Variants in ASRGL1 observed in about 807,000 individuals in gnomAD.
The protein encoded by ASRGL1 is isoaspartyl peptidase/L-asparaginase.
In ASRGL1, 16 loss-of-function variants were observed where a neutral mutation model predicts 22.4. The ratio of observed to expected loss-of-function variants is 0.71; its 90% CI spans 0.48 to 1.08. ASRGL1 has a LOEUF of 1.08. Among genes scored for constraint, ASRGL1 ranks in the 50% least tolerant of loss-of-function variants. The probability of loss-of-function intolerance (pLI) is 0.00; values close to 1 mark genes in which losing one functional copy is unlikely to be tolerated. For synonymous variants in ASRGL1, 165 were observed against 159.3 expected, an observed-to-expected ratio of 1.04 and a Z score of -0.27; for missense variants, 412 against 410.1, an observed-to-expected ratio of 1.00 and a Z score of -0.04.
chr11:62,374,065 G>T (rs193186965), intron 4 of ASRGL1, among the ~76,000 whole-genome samples: 153 of 152,288 alleles, frequency 1.0e-3, no homozygotes, highest in Admixed American at 2.2e-3. Flanking sequence ...TTCTGTACCA[G>T]CCTCGATCGC....
At chr11:62,380,691 A>C (rs1023366557) in intron 4 of ASRGL1, among the ~76,000 whole-genome samples, 3 of 152,188 alleles carry the variant, frequency 2.0e-5, no homozygotes, top group African/African-American at 7.2e-5. Context: ...GTCCATGAGC[A>C]GTGGAACCTA....
intron 4 of ASRGL1, among the ~76,000 whole-genome samples, chr11:62,367,206 T>G (rs1462673611): frequency 6.6e-6 from 1 of 151,634 alleles, no homozygotes; most frequent in Non-Finnish European, 1.5e-5. Flanking sequence ...GGCATGGTGG[T>G]AGGTACCTGT....
intron 2 of ASRGL1, among the ~76,000 whole-genome samples, chr11:62,353,015 T>C (rs1946202469): frequency 6.6e-6 from 1 of 152,202 alleles, no homozygotes; most frequent in Admixed American, 6.5e-5. Flanking sequence ...TGAATACTTC[T>C]CATTCCCACC....
chr11:62,351,828 C>G (rs1946174013), intron 2 of ASRGL1, among the ~76,000 whole-genome samples: 1 of 152,064 alleles, frequency 6.6e-6, no homozygotes, highest in Admixed American at 6.6e-5. Context: ...TGAGCACCAC[C>G]ACACCCAGCT....
At chr11:62,397,481 A>G (rs944295864), downstream of ASRGL1, among the ~76,000 whole-genome samples, 1 of 152,072 alleles carries the variant, frequency 6.6e-6, no homozygotes, top group African/African-American at 2.4e-5. Context: ...TCTGACCAAC[A>G]TGGAGAAACC....
rs182866848 is a variant in ASRGL1 at position 62,388,415 on chromosome 11, C to A, written c.492-718C>A. Among the ~76,000 whole-genome samples the A allele has an allele frequency of 3.0e-3, 453 of 152,244 alleles. 1 individual carries two copies. Among genetic ancestry groups the A allele is most frequent in the African/African-American group, 0.01 (429 of 41,542 alleles). The stretch of plus-strand genomic sequence containing the variant: ...GGCACAGTGGCTCACGCCTGTAACC[C>A]CAGCACTTTGGGAGTCCAAGGCAGG... On this transcript the variant is annotated intron_variant, in intron 4 of 6. Transcript: ENST00000415229.
At chr11:62,386,604 A>G (rs1947217692) in intron 4 of ASRGL1, among the ~76,000 whole-genome samples, 1 of 151,360 alleles carries the variant, frequency 6.6e-6, no homozygotes, top group African/African-American at 2.4e-5. Flanking sequence ...ATAAGGGGGG[A>G]CTACTGTTTT....
Position 62,356,373 on chromosome 11 carries a change from G to A in ASRGL1, c.239G>A (p.Ser80Asn), listed in dbSNP as rs779850075. 1 of 1,614,196 alleles carries A rather than the reference G, an allele frequency of 6.2e-7. No individual in the cohort carries two copies. Among genetic ancestry groups the A allele is most frequent in the Non-Finnish European group, 8.5e-7 (1 of 1,179,976 alleles). ...AATGGTGAGGTTGAAATGGATGCTA[G>A]TATCATGGATGGAAAAGACCTGTCT... is the stretch of plus-strand genomic sequence containing the variant. ...NTNGEVEMDA[S>N]IMDGKDLSAG... The change falls in exon 3 of 7, where the codon AGT becomes AAT. Residue 80 changes from serine to asparagine, a missense_variant. Ser to Asn is a conservative substitution (Grantham distance 46). Transcript: ENST00000415229.
chr11:62,361,680 G>A (rs1456440649), intron 4 of ASRGL1, among the ~76,000 whole-genome samples: 1 of 151,892 alleles, frequency 6.6e-6, no homozygotes, highest in Non-Finnish European at 1.5e-5. Context: ...TAGAGAGGGG[G>A]TTTCACCATG....
In ASRGL1 at chr11:62,357,004, G is replaced by A. The variant is rs1394363358; in HGVS notation, c.351G>A (p.Leu117=). Residue 117 remains leucine (L), a synonymous_variant, in exon 4 of 7, where the codon CTG becomes CTA. Coordinates refer to ENST00000415229, the MANE Select transcript of ASRGL1 (RefSeq NM_001083926.2). ...TGGCTCAGACACCTCATTGCTTTCT[G>A]ACTGACCAAGGCGCAGCGCAGTTTG... is the stretch of plus-strand genomic sequence containing the variant. ...LVMEKTPHCF[L]TDQGAAQFAA... 2 of 1,606,380 alleles carry A rather than the reference G, an allele frequency of 1.2e-6. No homozygotes were observed. The highest frequency in any genetic ancestry group is 2.2e-5 in the South Asian group (2 of 89,408).
chr11:62,386,555 C>CA (rs568475705), intron 4 of ASRGL1, among the ~76,000 whole-genome samples: 219 of 71,410 alleles, frequency 3.1e-3, no homozygotes, highest in Middle Eastern at 9.8e-3. Flanking sequence ...GCTGAGGTTT[C>CA]AGGCATCCAC....
At chr11:62,362,160 G>A (rs1161451052) in intron 4 of ASRGL1, among the ~76,000 whole-genome samples, 1 of 151,984 alleles carries the variant, frequency 6.6e-6, no homozygotes, top group Non-Finnish European at 1.5e-5. Flanking sequence ...ACTAATGGTA[G>A]TGCTTTGGAA....
downstream of ASRGL1, among the ~76,000 whole-genome samples, chr11:62,398,071 G>T (rs1396117759): frequency 6.6e-6 from 1 of 152,014 alleles, no homozygotes; most frequent in African/African-American, 2.4e-5. Context: ...CTGGGGGCCA[G>T]GCCGACCATT....
intron 2 of ASRGL1, among the ~76,000 whole-genome samples, chr11:62,343,730 CAAAAAAAAAAA>C (rs71053038): frequency 2.9e-5 from 2 of 69,004 alleles, no homozygotes; most frequent in Admixed American, 3.9e-4. Context: ...TCCAGCTCCA[CAAAAAAAAAAA>C]AAAAAAAAAA....
At position 62,338,083 on chromosome 11, in the gene ASRGL1, G is replaced by A; in HGVS notation, c.106G>A (p.Gly36Ser). ...GGTCAGAGCCGCCACCGTGGGCTAC[G>A]GCATCCTCCGGGAGGGCGGGAGCGC... ...GMVRAATVGY[G>S]ILREGGSAVD... is the part of the protein sequence containing the mutation. The change falls in exon 2 of 7, where the codon GGC becomes AGC. Residue 36 changes from glycine to serine, a missense_variant. Coordinates refer to ENST00000415229, the MANE Select transcript of ASRGL1 (RefSeq NM_001083926.2). 6.2e-7 allele frequency: 1 copy of A among 1,607,166 alleles called. No homozygotes were observed. Among genetic ancestry groups the A allele is most frequent in the Non-Finnish European group, 8.5e-7 (1 of 1,177,310 alleles).
At chr11:62,362,915 TTTTTTTTTTTTTTTTTTTTTTG>T in intron 4 of ASRGL1, among the ~76,000 whole-genome samples, 1 of 50,008 alleles carries the variant, frequency 2.0e-5, no homozygotes, top group African/African-American at 7.6e-5. Context: ...TTTTTTTTTT[TTTTTTTTTTTTTTTTTTTTTTG>T]AGACAGAGTC....
At chr11:62,387,667 C>T (rs1428899831) in intron 4 of ASRGL1, among the ~76,000 whole-genome samples, 2 of 152,220 alleles carry the variant, frequency 1.3e-5, no homozygotes, top group African/African-American at 4.8e-5. Context: ...ACCTCCCCAC[C>T]ATCACTCTTC....
At chr11:62,391,722 A>G in intron 6 of ASRGL1, 90 bp downstream of exon 6, 1 of 1,443,270 alleles carries the variant, frequency 6.9e-7, no homozygotes, top group South Asian at 1.4e-5. Context: ...AGTGTAGGAA[A>G]CCCTTTCCTG....
chr11:62,343,587 G>A (rs545379501), intron 2 of ASRGL1, among the ~76,000 whole-genome samples: 3 of 151,502 alleles, frequency 2.0e-5, no homozygotes, highest in African/African-American at 7.3e-5. Flanking sequence ...AATTAGCCAG[G>A]CATGGTGGCA....
Sources: allele counts gnomAD v4.1 joint callset (sites outside exome capture counted in the v4.1 genomes callset), GRCh38; gene constraint gnomAD v4.1.1; transcripts MANE v1.5; gene names NCBI Gene and HGNC (gene_info 2026-07-23, HGNC 2026-07-21).